CFAP61: variants seen among roughly 807,000 people sequenced by gnomAD.
CFAP61 encodes cilia- and flagella-associated protein 61.
A neutral mutation model predicts 135.6 loss-of-function variants in CFAP61; 107 were observed. That is an observed-to-expected ratio of 0.79 (90% CI 0.67 to 0.93). The LOEUF (loss-of-function observed/expected upper bound fraction) is 0.93, where lower values mean the gene tolerates loss of function less well. Ranked by LOEUF, CFAP61 falls within the 40% of genes least tolerant of loss-of-function variation. The probability of loss-of-function intolerance (pLI) is 0.00; values close to 1 mark genes in which losing one functional copy is unlikely to be tolerated. For synonymous variants in CFAP61, 575 were observed against 578.5 expected (o/e 0.99, Z 0.09); for missense variants, 1,507 against 1,556.2 (o/e 0.97, Z 0.53).
intron 21 of CFAP61, among the ~76,000 whole-genome samples, chr20:20,269,091 G>A (rs1167550018): frequency 6.9e-6 from 1 of 144,036 alleles, no homozygotes; most frequent in African/African-American, 2.5e-5. Context: ...AAAGTAAAAA[G>A]CGCATTGTCT....
intron 26 of CFAP61, among the ~76,000 whole-genome samples, chr20:20,355,897 G>A (rs2059112482): frequency 6.7e-6 from 1 of 149,620 alleles, no homozygotes; most frequent in South Asian, 2.1e-4. Context: ...GTCACACTGT[G>A]AGGGGAGGTG....
intron 25 of CFAP61, among the ~76,000 whole-genome samples, chr20:20,338,446 C>T (rs527348499): frequency 6.6e-6 from 1 of 152,252 alleles, no homozygotes; most frequent in South Asian, 2.1e-4. Context: ...AACTAGAATG[C>T]TTTTTGTTAA....
intron 6 of CFAP61, among the ~76,000 whole-genome samples, chr20:20,077,710 C>G (rs1272539415): frequency 6.6e-6 from 1 of 152,168 alleles, no homozygotes; most frequent in African/African-American, 2.4e-5. Flanking sequence ...AAGAGCCTTC[C>G]AGGTCATAGG....
chr20:20,349,389 A>G (rs1339618778), intron 26 of CFAP61, among the ~76,000 whole-genome samples: 2 of 152,284 alleles, frequency 1.3e-5, no homozygotes, highest in African/African-American at 4.8e-5. Context: ...AGCAAAAGAG[A>G]GAGGGAAGTG....
At chr20:20,171,708 A>G in intron 13 of CFAP61, 1 of 622,320 alleles carries the variant, frequency 1.6e-6, no homozygotes, top group Non-Finnish European at 2.9e-6. Flanking sequence ...ACTGTAACAC[A>G]TTTTTAAAAA....
intron 8 of CFAP61, among the ~76,000 whole-genome samples, chr20:20,133,134 A>C (rs2050666690): frequency 6.6e-6 from 1 of 152,216 alleles, no homozygotes; most frequent in South Asian, 2.1e-4. Flanking sequence ...ATTTTCAAAG[A>C]ATCAGCCTCA....
chr20:20,305,694 C>A (rs1003822694), intron 25 of CFAP61, among the ~76,000 whole-genome samples: 2 of 152,340 alleles, frequency 1.3e-5, no homozygotes, highest in South Asian at 2.1e-4. Flanking sequence ...TGCGACCAGC[C>A]TCGCAAAGAA....
intron 13 of CFAP61, among the ~76,000 whole-genome samples, chr20:20,176,046 C>G (rs889593831): frequency 6.6e-6 from 1 of 151,806 alleles, no homozygotes; most frequent in Non-Finnish European, 1.5e-5. Flanking sequence ...GGCAAAGGAC[C>G]ATGAACAGAC....
At chr20:20,155,207 A>G (rs1455102957) in intron 9 of CFAP61, among the ~76,000 whole-genome samples, 6 of 152,158 alleles carry the variant, frequency 3.9e-5, no homozygotes, top group African/African-American at 1.4e-4. Flanking sequence ...AGTGCTGGGA[A>G]AACTGGCGAG....
At chr20:20,070,780 G>C in intron 2 of CFAP61, 74 bp from the exon 3 acceptor site, 1 of 1,435,448 alleles carries the variant, frequency 7.0e-7, no homozygotes, top group Non-Finnish European at 9.5e-7. Context: ...AGTAGCCAGA[G>C]GGAAAAAAAT....
chr20:20,142,219 T>C (rs910398299), intron 8 of CFAP61, among the ~76,000 whole-genome samples: 4 of 152,324 alleles, frequency 2.6e-5, no homozygotes, highest in Non-Finnish European at 2.9e-5. Context: ...ACCCTGATTA[T>C]TGACTTTCCA....
intron 17 of CFAP61, among the ~76,000 whole-genome samples, chr20:20,216,257 G>A (rs1025679413): frequency 3.3e-5 from 5 of 152,200 alleles, no homozygotes; most frequent in African/African-American, 9.7e-5. Flanking sequence ...ACTGTTTACC[G>A]CTGACGTGCG....
At chr20:20,324,225 T>C (rs1602021166) in intron 25 of CFAP61, among the ~76,000 whole-genome samples, 1 of 152,160 alleles carries the variant, frequency 6.6e-6, no homozygotes, top group South Asian at 2.1e-4. Context: ...GTAGGAAAGA[T>C]AGAAAATTGT....
intron 7 of CFAP61, chr20:20,094,352 T>C (rs1038632167): frequency 1.3e-5 from 2 of 152,192 alleles, no homozygotes; most frequent in African/African-American, 4.8e-5. Flanking sequence ...TTTACACAAC[T>C]AGACAGAAAC....
At chr20:20,151,829 CAAAA>C (rs386393498) in intron 9 of CFAP61, among the ~76,000 whole-genome samples, 2 of 53,350 alleles carry the variant, frequency 3.7e-5, no homozygotes, top group Admixed American at 2.6e-4. Flanking sequence ...GACTCCGTCT[CAAAA>C]AAAAAAAAAA....
At chr20:20,306,029 C>T (rs550552413) in intron 25 of CFAP61, among the ~76,000 whole-genome samples, 2 of 152,176 alleles carry the variant, frequency 1.3e-5, no homozygotes, top group African/African-American at 4.8e-5. Context: ...CAATATGTGT[C>T]TGTTCTTATT....
chr20:20,189,875 A>G (rs1601292913), intron 14 of CFAP61, among the ~76,000 whole-genome samples: 2 of 151,852 alleles, frequency 1.3e-5, no homozygotes, highest in South Asian at 4.2e-4. Context: ...GCTCACTGCA[A>G]CCTCCGCCTC....
Position 20,135,497 on chromosome 20 carries a change from A to G in CFAP61, c.860-7360A>G, listed in dbSNP as rs374574103. ...AAAGAATTGTCTGTGCTCAATGTTA[A>G]TTTTTTGCTTTTTGTTTTTTTGTGT... On this transcript the variant is annotated intron_variant, in intron 8 of 26. Transcript: ENST00000245957. Among the ~76,000 whole-genome samples, 4 of 152,270 alleles carry G rather than the reference A, an allele frequency of 2.6e-5. 1 individual carries two copies. Among genetic ancestry groups the G allele is most frequent in the African/African-American group, 7.2e-5 (3 of 41,554 alleles).
intron 9 of CFAP61, among the ~76,000 whole-genome samples, chr20:20,150,241 A>G (rs1273696053): frequency 2.6e-5 from 4 of 151,970 alleles, no homozygotes; most frequent in Non-Finnish European, 5.9e-5. Flanking sequence ...AGACCTGCCT[A>G]TTCCTACCCA....
Sources: gnomAD v4.1 joint callset for allele counts (sites outside exome capture counted in the v4.1 genomes callset) on GRCh38, gnomAD v4.1.1 for gene constraint, MANE v1.5 for transcripts, NCBI Gene and HGNC (gene_info 2026-07-23, HGNC 2026-07-21) for gene names.